The following TMEFF1 variants were observed in gnomAD, a reference collection of about 807,000 sequenced individuals.
TMEFF1 encodes tomoregulin-1.
TMEFF1 carries 20 observed loss-of-function variants against 47.5 expected under a neutral mutation model. That is an observed-to-expected ratio of 0.42 (90% CI 0.30 to 0.61). TMEFF1 has a LOEUF of 0.61. Ranked by LOEUF, TMEFF1 falls within the 20% of genes least tolerant of loss-of-function variation. The pLI, the probability that TMEFF1 is intolerant of heterozygous loss-of-function variation, is 0.19. For missense variants in TMEFF1, 411 were observed against 471.1 expected (o/e 0.87, Z 1.18); for synonymous variants, 162 against 166.3 (o/e 0.97, Z 0.20).
intron 5 of TMEFF1, among the ~76,000 whole-genome samples, chr9:100,541,714 A>G (rs368236317): frequency 6.6e-6 from 1 of 151,992 alleles, no homozygotes; most frequent in East Asian, 1.9e-4. Flanking sequence ...ATCAGTTTTC[A>G]CTTTATAGGT....
intron 2 of TMEFF1, among the ~76,000 whole-genome samples, chr9:100,505,288 T>G (rs1168566271): frequency 2.0e-5 from 3 of 151,456 alleles, no homozygotes; most frequent in Admixed American, 6.6e-5. Context: ...GGTGTGTGCC[T>G]GTAATCCCAG....
rs183075173 is a variant in TMEFF1 at position 100,510,201 on chromosome 9, C to T, written c.436+1067C>T. ...TGACACCAGCTGAGATCAAGAGGTT[C>T]CCCAGCTAACCCTAGGCTCAGTAAT... is the stretch of plus-strand genomic sequence containing the variant. On this transcript the variant is annotated intron_variant, in intron 3 of 9. Coordinates refer to ENST00000374879, the MANE Select transcript of TMEFF1 (RefSeq NM_003692.5). Among the ~76,000 whole-genome samples the T allele has an allele frequency of 1.1e-4, 17 of 152,280 alleles. No individual in the cohort carries two copies. The East Asian group carries it at 1.5e-3, about 14-fold the overall frequency.
chr9:100,561,622 G>A (rs1839017407), intron 8 of TMEFF1, 102 bp downstream of exon 8: 1 of 1,360,674 alleles, frequency 7.3e-7, no homozygotes, highest in Non-Finnish European at 9.5e-7. Flanking sequence ...CCAGAAAGTA[G>A]TGTTTATTTG....
chr9:100,517,886 ATT>A (rs1252610548), intron 5 of TMEFF1, among the ~76,000 whole-genome samples: 1 of 152,146 alleles, frequency 6.6e-6, no homozygotes, highest in Non-Finnish European at 1.5e-5. Flanking sequence ...TCTTCCTTTT[ATT>A]TTGTACTAAT....
intron 5 of TMEFF1, among the ~76,000 whole-genome samples, chr9:100,543,637 T>C (rs929158831): frequency 1.3e-5 from 2 of 150,176 alleles, no homozygotes; most frequent in Non-Finnish European, 2.9e-5. Flanking sequence ...TGGGCCACAT[T>C]GGAAGAAGAA....
At chr9:100,562,758 C>T (rs752159871) in intron 8 of TMEFF1, among the ~76,000 whole-genome samples, 1 of 151,000 alleles carries the variant, frequency 6.6e-6, no homozygotes, top group Non-Finnish European at 1.5e-5. Context: ...CAGGTTCAAG[C>T]GATTCTCCTG....
chr9:100,554,861 C>T (rs1478090115), intron 7 of TMEFF1, among the ~76,000 whole-genome samples: 1 of 151,994 alleles, frequency 6.6e-6, no homozygotes, highest in Non-Finnish European at 1.5e-5. Context: ...GTTACTGATG[C>T]AGTGTTGATA....
At chr9:100,488,837 AT>A (rs914268734) in intron 1 of TMEFF1, among the ~76,000 whole-genome samples, 3 of 152,256 alleles carry the variant, frequency 2.0e-5, no homozygotes, top group African/African-American at 4.8e-5. Context: ...CCTGTTTTTA[AT>A]TTTTTTATTT....
chr9:100,480,321 G>A (rs746205913), intron 1 of TMEFF1, among the ~76,000 whole-genome samples: 1 of 152,022 alleles, frequency 6.6e-6, no homozygotes, highest in Non-Finnish European at 1.5e-5. Flanking sequence ...TGATTTTTCT[G>A]CTTACTAAGC....
Position 100,473,673 on chromosome 9 carries a change from C to G in TMEFF1, c.129C>G (p.Pro43=). 6.5e-7 allele frequency: 1 copy of G among 1,543,400 alleles called. No individual in the cohort carries two copies. The highest frequency in any genetic ancestry group is 8.7e-7 in the Non-Finnish European group (1 of 1,144,272). The change falls in exon 1 of 10, where the codon CCC becomes CCG. Residue 43 remains proline, a synonymous_variant. Coordinates refer to ENST00000374879, the MANE Select transcript of TMEFF1 (RefSeq NM_003692.5). This position sits in a 1 kb window ranked among gnomAD's most constrained non-coding sequence, Gnocchi z 5.4. ...CCGGGAGCCGCGCGTCCAACCAGCC[C>G]CCGGGTGGTGGCGGCGGCAGCGGCG... ...SLPGSRASNQ[P]PGGGGGSGGD...
intron 1 of TMEFF1, among the ~76,000 whole-genome samples, chr9:100,482,398 A>G (rs868525286): frequency 6.6e-6 from 1 of 150,654 alleles, no homozygotes; most frequent in East Asian, 2.0e-4. Context: ...GGTTTTCACC[A>G]TATTGGCCAG....
intron 7 of TMEFF1, among the ~76,000 whole-genome samples, chr9:100,554,794 G>A (rs1838885821): frequency 6.6e-6 from 1 of 151,996 alleles, no homozygotes; most frequent in African/African-American, 2.4e-5. Context: ...GGGGAAGCAA[G>A]ACAGAATATT....
rs749964425 is a variant in TMEFF1 at position 100,572,648 on chromosome 9, A to G, written c.1030A>G (p.Ile344Val). Residue 344 changes from isoleucine to valine, a missense_variant, in exon 9 of 10, where the codon ATA becomes GTA. Physicochemically the swap from Ile to Val is conservative, Grantham distance 29 (BLOSUM62 3). Transcript: ENST00000374879. The stretch of plus-strand genomic sequence containing the variant: ...TATTGGAGCTGTACAGATTGCCATC[A>G]TAGTAGCAATTGTAATGTGCATAAC... The part of the protein sequence containing the change: ...AIIGAVQIAI[I>V]VAIVMCITRK... 1.1e-5 allele frequency: 17 copies of G among 1,611,330 alleles called. 1 individual carries two copies. The South Asian group carries it at 1.1e-4, about 10-fold the overall frequency.
At chr9:100,485,259 G>A (rs75178613) in intron 1 of TMEFF1, among the ~76,000 whole-genome samples, 3,329 of 152,092 alleles carry the variant, frequency 0.022, 102 homozygotes, top group African/African-American at 0.076. Flanking sequence ...ATGCCACCAT[G>A]GATATTCATG....
Position 100,576,797 on chromosome 9 carries a change from A to G in TMEFF1, c.*197A>G. 1 of 531,108 alleles carries G rather than the reference A, an allele frequency of 1.9e-6. No homozygotes were observed. Among genetic ancestry groups the G allele is most frequent in the Non-Finnish European group, 3.0e-6 (1 of 331,664 alleles). The allele number at this position is 531,108 out of a possible 1,614,324, so 32.9% of individuals were successfully genotyped here. A position where few individuals can be genotyped will look rare whatever the true frequency, so the allele number is the denominator to read the frequency against. ...TTGTTTTATGTTTTTAAATACAGAAATTGCTTTCACAAATTTGTACCACAT... is the reference window on the plus strand; with the variant it reads ...TTGTTTTATGTTTTTAAATACAGAAGTTGCTTTCACAAATTTGTACCACAT... On this transcript the variant is annotated 3_prime_UTR_variant, in exon 10 of 10. Coordinates refer to ENST00000374879, the MANE Select transcript of TMEFF1 (RefSeq NM_003692.5).
At chr9:100,567,721 CAGA>C (rs550176218) in intron 8 of TMEFF1, among the ~76,000 whole-genome samples, 5 of 152,056 alleles carry the variant, frequency 3.3e-5, no homozygotes, top group East Asian at 1.9e-4. Flanking sequence ...TAATCAGTAA[CAGA>C]AGAAGAAGTA....
At chr9:100,519,819 T>C (rs1446079739) in intron 5 of TMEFF1, among the ~76,000 whole-genome samples, 1 of 152,162 alleles carries the variant, frequency 6.6e-6, no homozygotes, top group African/African-American at 2.4e-5. Context: ...TGCCTATTTA[T>C]TGAATTTCTT....
chr9:100,547,963 G>T, intron 6 of TMEFF1, 71 bp downstream of exon 6: 2 of 1,325,410 alleles, frequency 1.5e-6, no homozygotes, highest in Non-Finnish European at 1.9e-6. Flanking sequence ...TTGTACATTT[G>T]GTAGTGTTTC....
chr9:100,531,285 G>A (rs1838371791), intron 5 of TMEFF1, among the ~76,000 whole-genome samples: 1 of 152,138 alleles, frequency 6.6e-6, no homozygotes, highest in African/African-American at 2.4e-5. Flanking sequence ...TAGGAAAAGA[G>A]GAAGTCAAAT....
Sources: gnomAD v4.1 joint callset for allele counts (sites outside exome capture counted in the v4.1 genomes callset) on GRCh38, gnomAD v4.1.1 for gene constraint, Gnocchi (gnomAD v3.1) non-coding constraint, MANE v1.5 for transcripts, NCBI Gene and HGNC (gene_info 2026-07-23, HGNC 2026-07-21) for gene names.